LRMDA: variants seen among roughly 807,000 people sequenced by gnomAD.
LRMDA encodes leucine rich melanocyte differentiation associated, also known as leucine-rich melanocyte differentiation-associated protein.
In LRMDA, 18 loss-of-function variants were observed where a neutral mutation model predicts 29.8. The ratio of observed to expected loss-of-function variants is 0.60; its 90% CI spans 0.42 to 0.90. The LOEUF (loss-of-function observed/expected upper bound fraction) is 0.90, where lower values mean the gene tolerates loss of function less well. LRMDA is among the 40% of genes least tolerant of loss of function. LRMDA has a pLI of 0.00. For missense variants in LRMDA, 273 were observed against 273.9 expected, an observed-to-expected ratio of 1.00 and a Z score of 0.02; for synonymous variants, 125 against 109.4, an observed-to-expected ratio of 1.14 and a Z score of -0.89.
intron 2 of LRMDA, chr10:75,450,922 T>A (rs887393806): frequency 2.0e-5 from 3 of 152,254 alleles, no homozygotes; most frequent in Non-Finnish European, 4.4e-5. Flanking sequence ...AAAAGATTTC[T>A]TTGACAAGAC....
At chr10:75,872,922 AG>A in intron 2 of LRMDA, among the ~76,000 whole-genome samples, 1 of 152,158 alleles carries the variant, frequency 6.6e-6, no homozygotes, top group East Asian at 1.9e-4. Context: ...ATTCAGGGCA[AG>A]GCTGGTTATG....
intron 6 of LRMDA, among the ~76,000 whole-genome samples, chr10:76,475,961 G>T (rs988458200): frequency 6.6e-6 from 1 of 151,844 alleles, no homozygotes; most frequent in Non-Finnish European, 1.5e-5. Flanking sequence ...AGATCTAAAA[G>T]TGACACCCTA....
intron 5 of LRMDA, among the ~76,000 whole-genome samples, chr10:76,075,074 C>A (rs1188425562): frequency 6.6e-6 from 1 of 152,128 alleles, no homozygotes; most frequent in African/African-American, 2.4e-5. Context: ...ATCACTTCTG[C>A]CCATTGGCCA....
chr10:76,029,494 G>C (rs1196876932), intron 2 of LRMDA, among the ~76,000 whole-genome samples: 1 of 152,090 alleles, frequency 6.6e-6, no homozygotes, highest in Admixed American at 6.5e-5. Context: ...CATTATTCAC[G>C]TTGTCCTACA....
At chr10:76,310,422 A>G (rs927838506) in intron 5 of LRMDA, among the ~76,000 whole-genome samples, 1 of 151,976 alleles carries the variant, frequency 6.6e-6, no homozygotes, top group Admixed American at 6.5e-5. Flanking sequence ...TAACAAAAAA[A>G]GTATGGGAAT....
At chr10:75,973,341 A>G (rs1847012111) in intron 2 of LRMDA, among the ~76,000 whole-genome samples, 1 of 151,686 alleles carries the variant, frequency 6.6e-6, no homozygotes, top group African/African-American at 2.4e-5. Flanking sequence ...ATATGCCATC[A>G]TTGTCTTTTT....
intron 6 of LRMDA, among the ~76,000 whole-genome samples, chr10:76,426,596 C>A (rs568043062): frequency 6.6e-6 from 1 of 152,174 alleles, no homozygotes; most frequent in Non-Finnish European, 1.5e-5. Flanking sequence ...TGCAGAAGCT[C>A]TTGAGTTTAA....
chr10:75,812,108 A>ATTT lies in LRMDA; in HGVS notation c.132-223872_132-223870dup, dbSNP rs67846089. Among the ~76,000 whole-genome samples, 253 of 46,278 alleles carry ATTT rather than the reference A, an allele frequency of 5.5e-3. 17 individuals carry two copies. Among genetic ancestry groups the ATTT allele is most frequent in the African/African-American group, 0.027 (223 of 8,378 alleles). The allele number at this position is 46,278 out of a possible 152,430, so 30.4% of individuals were successfully genotyped here. ...TAGTTTCTAAGGGGCTTTAATTGTG[A>ATTT]TTTTTTTTTTTTTTTTTTTTTTTTT... On this transcript the variant is annotated intron_variant, in intron 2 of 6. Coordinates refer to ENST00000611255, the MANE Select transcript of LRMDA (RefSeq NM_001305581.2).
At chr10:75,616,252 C>T (rs753888328) in intron 2 of LRMDA, among the ~76,000 whole-genome samples, 8 of 143,726 alleles carry the variant, frequency 5.6e-5, no homozygotes, top group South Asian at 4.2e-4. Flanking sequence ...GCAGCAGTAG[C>T]AGCAGCAGCA....
At chr10:75,971,002 C>T (rs1037073826) in intron 2 of LRMDA, among the ~76,000 whole-genome samples, 1 of 152,134 alleles carries the variant, frequency 6.6e-6, no homozygotes, top group Non-Finnish European at 1.5e-5. Flanking sequence ...ATGTGAAGGC[C>T]TGGAGGAGGT....
chr10:75,892,298 A>T (rs996660455), intron 2 of LRMDA, among the ~76,000 whole-genome samples: 1 of 152,084 alleles, frequency 6.6e-6, no homozygotes, highest in Non-Finnish European at 1.5e-5. Context: ...ACACTAGGGA[A>T]ACCTGGACTC....
At chr10:76,106,824 G>A (rs190227305) in intron 5 of LRMDA, among the ~76,000 whole-genome samples, 11 of 152,278 alleles carry the variant, frequency 7.2e-5, no homozygotes, top group African/African-American at 2.2e-4. Flanking sequence ...TCTCTGTAGC[G>A]ACAGAAGGTG....
intron 5 of LRMDA, among the ~76,000 whole-genome samples, chr10:76,190,096 A>G (rs772169283): frequency 6.6e-6 from 1 of 152,216 alleles, no homozygotes; most frequent in Non-Finnish European, 1.5e-5. Flanking sequence ...CAAGGTGGAC[A>G]AAGATTCTCT....
At chr10:75,605,501 A>C (rs1263864131) in intron 2 of LRMDA, among the ~76,000 whole-genome samples, 1 of 152,218 alleles carries the variant, frequency 6.6e-6, no homozygotes. Flanking sequence ...GTCGAAGGAC[A>C]AGAAAAAGAG....
chr10:75,482,677 A>G (rs1034401360), intron 2 of LRMDA, among the ~76,000 whole-genome samples: 3 of 152,294 alleles, frequency 2.0e-5, no homozygotes, highest in South Asian at 2.1e-4. Flanking sequence ...CTATGTCCCT[A>G]TCGTAGGAGT....
intron 2 of LRMDA, among the ~76,000 whole-genome samples, chr10:75,992,266 C>T (rs1847383942): frequency 6.6e-6 from 1 of 152,152 alleles, no homozygotes; most frequent in Admixed American, 6.5e-5. Context: ...GGTGCCATCC[C>T]TAGAGGTAGC....
intron 2 of LRMDA, among the ~76,000 whole-genome samples, chr10:75,941,929 T>G (rs1411777725): frequency 1.3e-5 from 2 of 152,196 alleles, no homozygotes; most frequent in East Asian, 3.9e-4. Flanking sequence ...CATGTCACAT[T>G]TATGTGGTTG....
intron 2 of LRMDA, among the ~76,000 whole-genome samples, chr10:75,469,567 CAT>C (rs1474348747): frequency 7.1e-6 from 1 of 140,020 alleles, no homozygotes; most frequent in Non-Finnish European, 1.5e-5. Context: ...ACTGGCTGCC[CAT>C]GTGTGTGAGT....
At chr10:76,455,188 A>G (rs968316400) in intron 6 of LRMDA, among the ~76,000 whole-genome samples, 7 of 152,200 alleles carry the variant, frequency 4.6e-5, no homozygotes, top group Non-Finnish European at 8.8e-5. Context: ...GGCCACCCAG[A>G]ATTGGTGAAT....
Sources: allele counts gnomAD v4.1 joint callset (sites outside exome capture counted in the v4.1 genomes callset), GRCh38; gene constraint gnomAD v4.1.1; transcripts MANE v1.5; gene names NCBI Gene and HGNC (gene_info 2026-07-23, HGNC 2026-07-21).